The following WDFY2 variants were observed in gnomAD, a reference collection of about 807,000 sequenced individuals.
WDFY2 encodes WD repeat and FYVE domain-containing protein 2.
WDFY2 carries 36 observed loss-of-function variants against 56.4 expected under a neutral mutation model. The ratio of observed to expected loss-of-function variants is 0.64; its 90% CI spans 0.49 to 0.84. The LOEUF is 0.84. WDFY2 is among the 40% of genes least tolerant of loss of function. WDFY2 has a pLI of 0.00. For synonymous variants in WDFY2, 176 were observed against 183.7 expected (o/e 0.96, Z 0.34); for missense variants, 444 against 512.2 (o/e 0.87, Z 1.29).
chr13:51,726,257 C>T (rs1459547932), intron 5 of WDFY2, among the ~76,000 whole-genome samples: 4 of 152,146 alleles, frequency 2.6e-5, no homozygotes, highest in African/African-American at 9.7e-5. Context: ...ATAATATATC[C>T]TGGTGTCTGT....
intron 1 of WDFY2, among the ~76,000 whole-genome samples, chr13:51,636,341 G>T (rs1456581291): frequency 6.6e-6 from 1 of 152,094 alleles, no homozygotes; most frequent in Non-Finnish European, 1.5e-5. Context: ...TGGTTAACTG[G>T]TTATTATCAA....
At chr13:51,602,322 A>G (rs914427685) in intron 1 of WDFY2, among the ~76,000 whole-genome samples, 1 of 152,120 alleles carries the variant, frequency 6.6e-6, no homozygotes, top group Non-Finnish European at 1.5e-5. Context: ...AATACTTTCC[A>G]TTGTGTTACA....
chr13:51,761,644 C>A lies in WDFY2; in HGVS notation c.*1875C>A, dbSNP rs1953586130. ...CCTGGAAAGCCGTTTTTTGCCCTCA[C>A]AATCATTCATTACTTCTCTAACTAG... On this transcript the variant is annotated 3_prime_UTR_variant, in exon 12 of 12. Transcript: ENST00000298125. 6.6e-6 allele frequency: 1 copy of A among 152,190 alleles called. No individual in the cohort carries two copies. The highest frequency in any genetic ancestry group is 6.5e-5 in the Admixed American group (1 of 15,284). The allele number at this position is 152,190 out of a possible 1,614,324, so 9.4% of individuals were successfully genotyped here. A position where few individuals can be genotyped will look rare whatever the true frequency, so the allele number is the denominator to read the frequency against.
At chr13:51,728,711 G>T (rs1183749247) in intron 6 of WDFY2, among the ~76,000 whole-genome samples, 3 of 152,216 alleles carry the variant, frequency 2.0e-5, no homozygotes, top group African/African-American at 4.8e-5. Context: ...ATCCAAGGAA[G>T]AAGATTCATA....
chr13:51,703,692 A>G (rs1295320412), intron 4 of WDFY2, 42 bp downstream of exon 4: 1 of 1,532,802 alleles, frequency 6.5e-7, no homozygotes, highest in Non-Finnish European at 8.9e-7. Flanking sequence ...AGATTCTAAA[A>G]TACTTCTTGG....
intron 5 of WDFY2, among the ~76,000 whole-genome samples, chr13:51,724,098 G>A (rs1275934569): frequency 6.6e-6 from 1 of 151,628 alleles, no homozygotes; most frequent in Non-Finnish European, 1.5e-5. Flanking sequence ...GAAATCTTAG[G>A]TTGGTTGGTT....
chr13:51,751,201 C>A, intron 7 of WDFY2, 109 bp from the exon 8 acceptor site: 2 of 936,396 alleles, frequency 2.1e-6, no homozygotes, highest in Non-Finnish European at 3.2e-6. Context: ...AAGATCTACA[C>A]TGGGGGCTCG....
chr13:51,679,138 G>A (rs1397024429), intron 3 of WDFY2, among the ~76,000 whole-genome samples: 3 of 152,140 alleles, frequency 2.0e-5, no homozygotes, highest in African/African-American at 4.8e-5. Context: ...TAAAGGTACT[G>A]GATCGTAACA....
intron 1 of WDFY2, among the ~76,000 whole-genome samples, chr13:51,633,201 T>C (rs972994665): frequency 6.6e-6 from 1 of 152,226 alleles, no homozygotes; most frequent in African/African-American, 2.4e-5. Context: ...GCATGGCTGC[T>C]GCTCCAGCAC....
At chr13:51,720,760 G>A (rs533367283) in intron 5 of WDFY2, among the ~76,000 whole-genome samples, 5 of 152,276 alleles carry the variant, frequency 3.3e-5, no homozygotes, top group South Asian at 2.1e-4. Flanking sequence ...GAGGGCACTC[G>A]CTTCCTGCTT....
In WDFY2 at chr13:51,739,092, G is replaced by A. The variant is rs1273904045; in HGVS notation, c.642G>A (p.Leu214=). ...ALCWDPVQRV[L]FSGSSDHSVI... is the part of the protein sequence containing the mutation. ...GTTGGGACCCAGTCCAGCGGGTGTT[G>A]TTCTCAGGCAGTTCAGATCACTCTG... is the stretch of plus-strand genomic sequence containing the variant. Residue 214 remains leucine (L), a synonymous_variant, in exon 7 of 12, where the codon TTG becomes TTA. Transcript: ENST00000298125. The A allele has an allele frequency of 1.9e-6, 3 of 1,603,464 alleles. No individual in the cohort carries two copies. The Admixed American group carries it at 5.1e-5, about 28-fold the overall frequency.
chr13:51,696,474 C>A (rs1386166425), intron 3 of WDFY2, among the ~76,000 whole-genome samples: 1 of 152,150 alleles, frequency 6.6e-6, no homozygotes, highest in Non-Finnish European at 1.5e-5. Flanking sequence ...ATAATTAAAT[C>A]ATTTTGGTTC....
chr13:51,633,008 A>G (rs754921712), intron 1 of WDFY2, among the ~76,000 whole-genome samples: 1 of 152,218 alleles, frequency 6.6e-6, no homozygotes, highest in Non-Finnish European at 1.5e-5. Flanking sequence ...TAGAGTTCTA[A>G]TAGTTTGTGT....
intron 1 of WDFY2, chr13:51,599,524 A>G (rs1357350632): frequency 6.5e-6 from 1 of 153,102 alleles, no homozygotes; most frequent in Non-Finnish European, 1.5e-5. Flanking sequence ...AAACTAATCT[A>G]TGTAACAACA....
chr13:51,758,151 C>A (rs1452475818), intron 10 of WDFY2, 41 bp from the exon 11 acceptor site: 18 of 1,485,136 alleles, frequency 1.2e-5, no homozygotes, highest in Non-Finnish European at 1.5e-5. Context: ...ATTCATATGT[C>A]ACCACCTTTT....
intron 1 of WDFY2, among the ~76,000 whole-genome samples, chr13:51,634,329 C>A (rs1261912780): frequency 6.6e-6 from 1 of 151,708 alleles, no homozygotes; most frequent in Non-Finnish European, 1.5e-5. Context: ...GGCCAGGAAC[C>A]CATTTTTACC....
intron 3 of WDFY2, among the ~76,000 whole-genome samples, chr13:51,684,770 C>G (rs964523599): frequency 6.6e-6 from 1 of 152,120 alleles, no homozygotes; most frequent in Non-Finnish European, 1.5e-5. Flanking sequence ...TCTCCAGACT[C>G]TGGCCTTCTT....
At chr13:51,756,194 T>A (rs1465370249) in intron 9 of WDFY2, 138 bp from the exon 10 acceptor site, 2 of 1,294,130 alleles carry the variant, frequency 1.5e-6, no homozygotes, top group Non-Finnish European at 2.1e-6. Flanking sequence ...ATGTGTTCCC[T>A]TTAGTTCTGG....
At chr13:51,609,690 A>G (rs1325773784) in intron 1 of WDFY2, among the ~76,000 whole-genome samples, 1 of 149,902 alleles carries the variant, frequency 6.7e-6, no homozygotes, top group Non-Finnish European at 1.5e-5. Context: ...CATAAAAGTG[A>G]TTAAAAGAAA....
Sources: allele counts gnomAD v4.1 joint callset (sites outside exome capture counted in the v4.1 genomes callset), GRCh38; gene constraint gnomAD v4.1.1; transcripts MANE v1.5; gene names NCBI Gene and HGNC (gene_info 2026-07-23, HGNC 2026-07-21).